Variants in CHN1 observed in about 807,000 individuals in gnomAD.
CHN1 encodes chimerin 1, also known as N-chimaerin.
CHN1 carries 37 observed loss-of-function variants against 59.5 expected under a neutral mutation model. That is an observed-to-expected ratio of 0.62 (90% CI 0.48 to 0.82). The LOEUF (loss-of-function observed/expected upper bound fraction) is 0.82, where lower values mean the gene tolerates loss of function less well. Among genes scored for constraint, CHN1 ranks in the 40% least tolerant of loss-of-function variants. The pLI is 0.00. For missense variants in CHN1, 469 were observed against 571.0 expected (o/e 0.82, Z 1.82); for synonymous variants, 206 against 200.4 (o/e 1.03, Z -0.24).
chr2:174,828,083 G>A (rs1027006472), intron 7 of CHN1, among the ~76,000 whole-genome samples: 21 of 152,280 alleles, frequency 1.4e-4, no homozygotes, highest in African/African-American at 5.1e-4. Context: ...AGAGGAGAGA[G>A]GCTGGCTGTG....
intron 1 of CHN1, among the ~76,000 whole-genome samples, chr2:174,987,882 G>A (rs964659075): frequency 4.6e-5 from 7 of 152,070 alleles, no homozygotes; most frequent in Non-Finnish European, 5.9e-5. Flanking sequence ...CTTAGACCTG[G>A]TTATTGACAG....
chr2:174,851,289 C>CT lies in CHN1; in HGVS notation c.550-4333dup, dbSNP rs1040175821. Among the ~76,000 whole-genome samples, 27 of 151,464 alleles carry CT rather than the reference C, an allele frequency of 1.8e-4. No individual in the cohort carries two copies. In the East Asian group the frequency reaches 5.1e-3, roughly 28 times the overall value. On this transcript the variant is annotated intron_variant, in intron 6 of 12. Transcript: ENST00000409900. ...GTTGTGGGACCTGATCCTGCCCATC[C>CT]TTTTTTTTGAGACAAGGTCTCACTC...
intron 5 of CHN1, among the ~76,000 whole-genome samples, chr2:174,898,534 G>A (rs1182527690): frequency 6.6e-6 from 1 of 151,962 alleles, no homozygotes; most frequent in Non-Finnish European, 1.5e-5. Flanking sequence ...AACCCGGGAA[G>A]CAGAGGTTCC....
intron 6 of CHN1, among the ~76,000 whole-genome samples, chr2:174,858,979 TACAC>T (rs71407155): frequency 5.1e-4 from 73 of 142,474 alleles, no homozygotes; most frequent in East Asian, 3.2e-3. Context: ...TTTCCTCCTC[TACAC>T]ACACACACAC....
chr2:174,961,544 T>C (rs1296051253), intron 1 of CHN1, among the ~76,000 whole-genome samples: 1 of 151,588 alleles, frequency 6.6e-6, no homozygotes, highest in Admixed American at 6.6e-5. Flanking sequence ...TGAGGTGAGA[T>C]TGCGCCATTG....
chr2:174,821,761 G>A (rs1685505201), intron 8 of CHN1: 1 of 459,342 alleles, frequency 2.2e-6, no homozygotes, highest in Non-Finnish European at 4.5e-6. Flanking sequence ...CTTGATCTTG[G>A]ACTTCCTGGC....
At chr2:174,851,264 G>GT (rs1686719633) in intron 6 of CHN1, among the ~76,000 whole-genome samples, 1 of 152,094 alleles carries the variant, frequency 6.6e-6, no homozygotes, top group Non-Finnish European at 1.5e-5. Flanking sequence ...TCCTTGACCT[G>GT]TTGTGGGACC....
chr2:174,904,425 A>C (rs1457945913), intron 5 of CHN1, among the ~76,000 whole-genome samples: 1 of 152,050 alleles, frequency 6.6e-6, no homozygotes, highest in Non-Finnish European at 1.5e-5. Flanking sequence ...AGTTTCACTC[A>C]TTGCCCAGGC....
chr2:174,940,878 T>G (rs1220620199), intron 3 of CHN1, among the ~76,000 whole-genome samples: 1 of 152,220 alleles, frequency 6.6e-6, no homozygotes, highest in Admixed American at 6.5e-5. Context: ...TAACATCCAA[T>G]GACTGATGAT....
At chr2:174,911,865 A>AT (rs1688713282) in intron 5 of CHN1, among the ~76,000 whole-genome samples, 1 of 152,152 alleles carries the variant, frequency 6.6e-6, no homozygotes, top group Admixed American at 6.5e-5. Context: ...ACACCATCAG[A>AT]TTTTCAGGCA....
chr2:174,898,881 T>G (rs189159078), intron 5 of CHN1, among the ~76,000 whole-genome samples: 166 of 152,312 alleles, frequency 1.1e-3, no homozygotes, highest in Non-Finnish European at 2.2e-3. Flanking sequence ...CCCTAAAATA[T>G]TCCCGATTAC....
rs557208729 is a variant in CHN1, at chr2:174,995,593, C to A, written c.19+9301G>T. Among the ~76,000 whole-genome samples, 4 of 152,288 alleles carry A rather than the reference C, an allele frequency of 2.6e-5. No individual in the cohort carries two copies. The South Asian group carries it at 8.3e-4, about 32-fold the overall frequency. ...CATGAGCAGTTCACAATACGGTTCACGCTCCTATGAGAATCTAATGCCATT... is the reference window on the plus strand; with the variant it reads ...CATGAGCAGTTCACAATACGGTTCAAGCTCCTATGAGAATCTAATGCCATT... On this transcript the variant is annotated intron_variant, in intron 1 of 12. Coordinates refer to ENST00000409900, the MANE Select transcript of CHN1 (RefSeq NM_001822.7).
At chr2:174,938,857 A>G (rs906198220) in intron 3 of CHN1, among the ~76,000 whole-genome samples, 5 of 152,176 alleles carry the variant, frequency 3.3e-5, no homozygotes, top group African/African-American at 1.2e-4. Flanking sequence ...AGAAAAAAAT[A>G]TAAATATTTT....
At chr2:174,936,756 C>T (rs1332385583) in intron 3 of CHN1, among the ~76,000 whole-genome samples, 1 of 152,092 alleles carries the variant, frequency 6.6e-6, no homozygotes, top group African/African-American at 2.4e-5. Context: ...CTATATAAGA[C>T]TTTCACTTTA....
At chr2:174,947,096 G>C (rs980653833) in intron 2 of CHN1, among the ~76,000 whole-genome samples, 3 of 151,990 alleles carry the variant, frequency 2.0e-5, no homozygotes, top group Non-Finnish European at 2.9e-5. Flanking sequence ...TGATAGTCAA[G>C]AAGAACATTA....
At chr2:174,944,066 C>A (rs779583222) in intron 3 of CHN1, among the ~76,000 whole-genome samples, 8 of 152,128 alleles carry the variant, frequency 5.3e-5, no homozygotes, top group Admixed American at 2.0e-4. Context: ...ACATAGAAAT[C>A]TTCCTTATTT....
At chr2:174,920,217 T>A (rs922546152) in intron 3 of CHN1, among the ~76,000 whole-genome samples, 17 of 152,334 alleles carry the variant, frequency 1.1e-4, no homozygotes, top group Admixed American at 3.9e-4. Flanking sequence ...ACATTTTTTT[T>A]ATCCATTCAT....
intron 5 of CHN1, among the ~76,000 whole-genome samples, chr2:174,894,803 G>GT (rs1688160737): frequency 1.3e-5 from 2 of 152,148 alleles, no homozygotes; most frequent in Non-Finnish European, 2.9e-5. Flanking sequence ...TGTGGTTTCA[G>GT]TTACCTATGG....
At chr2:174,944,853 G>C in intron 3 of CHN1, 35 bp downstream of exon 3, 1 of 1,517,878 alleles carries the variant, frequency 6.6e-7, no homozygotes, top group Non-Finnish European at 9.0e-7. Flanking sequence ...AGATGGTTGA[G>C]AGACATTTTT....
Sources: allele counts gnomAD v4.1 joint callset (sites outside exome capture counted in the v4.1 genomes callset), GRCh38; gene constraint gnomAD v4.1.1; transcripts MANE v1.5; gene names NCBI Gene and HGNC (gene_info 2026-07-23, HGNC 2026-07-21).